FRYL: variants seen among roughly 807,000 people sequenced by gnomAD.
The protein encoded by FRYL is protein furry homolog-like.
A neutral mutation model predicts 351.2 loss-of-function variants in FRYL; 150 were observed. The ratio of observed to expected loss-of-function variants is 0.43; its 90% CI spans 0.37 to 0.49. The LOEUF (loss-of-function observed/expected upper bound fraction) is 0.49. Among genes scored for constraint, FRYL ranks in the 20% least tolerant of loss-of-function variants. The probability of loss-of-function intolerance (pLI) is 0.00; values close to 1 mark genes in which losing one functional copy is unlikely to be tolerated. For missense variants in FRYL, 3,036 were observed against 3,619.3 expected (o/e 0.84, Z 4.13); for synonymous variants, 1,153 against 1,257.1 (o/e 0.92, Z 1.75).
chr4:48,571,682 A>G, intron 26 of FRYL: 1 of 984,962 alleles, frequency 1.0e-6, no homozygotes, highest in South Asian at 4.7e-5. Flanking sequence ...CTAATCAATT[A>G]CATTTACTTT....
rs1291794591 is a variant in FRYL, at chr4:48,579,171, C to T, written c.2330G>A (p.Ser777Asn). Residue 777 changes from serine to asparagine, a missense_variant, in exon 23 of 64, where the codon AGC becomes AAC. Physicochemically the swap from Ser to Asn is conservative, Grantham distance 46. Transcript: ENST00000358350. ...TGGACTAATCACATCAAACTGGTGG[C>T]TAATAGGAGAAGAGTTCCATTCTGC... ...TLAEWNSSPISHQFDVISPSH... is the reference protein window; with the variant it reads ...TLAEWNSSPINHQFDVISPSH... The T allele has an allele frequency of 6.2e-7, 1 of 1,613,672 alleles. No homozygotes were observed. Among genetic ancestry groups the T allele is most frequent in the Middle Eastern group, 1.7e-4 (1 of 6,060 alleles).
chr4:48,580,217 T>C (rs1306843725), intron 22 of FRYL, among the ~76,000 whole-genome samples: 1 of 152,120 alleles, frequency 6.6e-6, no homozygotes, highest in Non-Finnish European at 1.5e-5. Flanking sequence ...CCATGTATTC[T>C]AAAATAGGAG....
At chr4:48,640,348 C>A (rs1755082926) in intron 3 of FRYL, among the ~76,000 whole-genome samples, 1 of 152,020 alleles carries the variant, frequency 6.6e-6, no homozygotes, top group Admixed American at 6.6e-5. Flanking sequence ...AGCTATCAAG[C>A]TATGTAAAGA....
rs1194353722 is a variant in FRYL at position 48,710,572 on chromosome 4, G to C, written c.-257C>G. 2 of 398,498 alleles carry C rather than the reference G, an allele frequency of 5.0e-6. No homozygotes were observed. Among genetic ancestry groups the C allele is most frequent in the African/African-American group, 4.1e-5 (2 of 48,626 alleles). 24.7% of individuals were successfully genotyped at this position (398,498 alleles called of 1,614,324 possible). ...GTTTGTAGAAAAGACACCAAGTTTG[G>C]AAAGGATCCATCTAGAAGCTTTTTT... On this transcript the variant is annotated 5_prime_UTR_variant, in exon 2 of 64. Coordinates refer to ENST00000358350, the MANE Select transcript of FRYL (RefSeq NM_015030.2).
At chr4:48,683,720 TA>T (rs1764894273) in intron 3 of FRYL, among the ~76,000 whole-genome samples, 1 of 152,202 alleles carries the variant, frequency 6.6e-6, no homozygotes, top group Admixed American at 6.5e-5. Context: ...CACTGACTTT[TA>T]GAAGCAGATT....
At chr4:48,574,224 A>G (rs1739028994) in intron 25 of FRYL, among the ~76,000 whole-genome samples, 1 of 152,196 alleles carries the variant, frequency 6.6e-6, no homozygotes, top group Non-Finnish European at 1.5e-5. Context: ...CAATTTAATC[A>G]TGTATCGAAA....
At chr4:48,720,820 C>T (rs181549387) in intron 1 of FRYL, among the ~76,000 whole-genome samples, 183 of 152,212 alleles carry the variant, frequency 1.2e-3, no homozygotes, top group African/African-American at 4.1e-3. Context: ...TTACTGTTTC[C>T]GTAAGAACTC....
At chr4:48,586,536 T>C in intron 19 of FRYL, 85 bp downstream of exon 19, 1 of 857,280 alleles carries the variant, frequency 1.2e-6, no homozygotes. Flanking sequence ...ATCGCCTTTT[T>C]AGTGATAACA....
At chr4:48,524,883 T>G (rs1725669736) in intron 53 of FRYL, among the ~76,000 whole-genome samples, 1 of 152,020 alleles carries the variant, frequency 6.6e-6, no homozygotes, top group Non-Finnish European at 1.5e-5. Context: ...AATTCTGGAC[T>G]GAAAAAAGCA....
At position 48,544,851 on chromosome 4, in the gene FRYL, A is replaced by G. The variant is rs1465411000; in HGVS notation, c.5333T>C (p.Ile1778Thr). 3 of 1,609,898 alleles carry G rather than the reference A, an allele frequency of 1.9e-6. No homozygotes were observed. The highest frequency in any genetic ancestry group is 2.5e-6 in the Non-Finnish European group (3 of 1,178,476). ...TGTAGTTAACTGTTCAGCACTCTTT[A>G]TGCTAGGATTCTTGGCAGAAACATC... ...HEDVSAKNPS[I>T]KSAEQLTTFL... Residue 1778 changes from isoleucine (I) to threonine (T), a missense_variant, in exon 43 of 64, where the codon ATA (isoleucine) becomes ACA (threonine). Transcript: ENST00000358350.
At chr4:48,538,580 T>C (rs1431262611) in intron 47 of FRYL, among the ~76,000 whole-genome samples, 1 of 152,164 alleles carries the variant, frequency 6.6e-6, no homozygotes, top group African/African-American at 2.4e-5. Flanking sequence ...GGGGTTTTAT[T>C]TGGCTTCCTG....
At chr4:48,751,579 G>A (rs1474189325) in intron 1 of FRYL, among the ~76,000 whole-genome samples, 1 of 152,028 alleles carries the variant, frequency 6.6e-6, no homozygotes, top group East Asian at 1.9e-4. Flanking sequence ...AGAGTAAAAT[G>A]AAAAAGAAGT....
At chr4:48,518,238 A>G (rs1470337537) in intron 55 of FRYL, among the ~76,000 whole-genome samples, 2 of 152,218 alleles carry the variant, frequency 1.3e-5, no homozygotes, top group Non-Finnish European at 2.9e-5. Context: ...AAACCTCCCA[A>G]CAACTGAAAG....
Position 48,562,876 on chromosome 4 carries a change from C to T in FRYL, c.3696+13G>A. On this transcript the variant is annotated intron_variant, in intron 32 of 63. Transcript: ENST00000358350. Reference sequence around the variant, plus strand: ...CTGAGTAAAAAAATATTTAAATTCACATGTTTACAAACCTGTAAAAGTTGC... The same window carrying T: ...CTGAGTAAAAAAATATTTAAATTCATATGTTTACAAACCTGTAAAAGTTGC... The T allele has an allele frequency of 7.0e-7, 1 of 1,430,206 alleles. No homozygotes were observed. The highest frequency in any genetic ancestry group is 9.8e-7 in the Non-Finnish European group (1 of 1,022,268). The allele number at this position is 1,430,206 out of a possible 1,614,324, so 88.6% of individuals were successfully genotyped here.
chr4:48,593,010 A>C (rs540620793), intron 16 of FRYL, among the ~76,000 whole-genome samples: 10 of 152,308 alleles, frequency 6.6e-5, no homozygotes, highest in African/African-American at 2.4e-4. Context: ...AATTTATGAA[A>C]TATTTTGAAA....
intron 2 of FRYL, among the ~76,000 whole-genome samples, chr4:48,696,845 GATCTATCT>G (rs71660456): frequency 0.12 from 17,341 of 144,488 alleles, 1,499 homozygotes; most frequent in African/African-American, 0.24. Context: ...AACGATAAGA[GATCTATCT>G]ATCTATCTAT....
At chr4:48,671,873 CAAAA>C (rs71191252) in intron 3 of FRYL, among the ~76,000 whole-genome samples, 9 of 51,856 alleles carry the variant, frequency 1.7e-4, no homozygotes, top group South Asian at 1.5e-3. Flanking sequence ...AAAAAAAAAA[CAAAA>C]AAAAAAAAAA....
chr4:48,560,959 T>C (rs1735365903), intron 33 of FRYL, among the ~76,000 whole-genome samples: 1 of 152,130 alleles, frequency 6.6e-6, no homozygotes, highest in Non-Finnish European at 1.5e-5. Context: ...GCATGGCCAG[T>C]ACTTACACTG....
chr4:48,729,594 G>A (rs758098167), intron 1 of FRYL, among the ~76,000 whole-genome samples: 6 of 152,178 alleles, frequency 3.9e-5, no homozygotes, highest in Non-Finnish European at 8.8e-5. Context: ...GTGAAACCCA[G>A]GCAAACAGGG....
Sources: allele counts gnomAD v4.1 joint callset (sites outside exome capture counted in the v4.1 genomes callset), GRCh38; gene constraint gnomAD v4.1.1; transcripts MANE v1.5; gene names NCBI Gene and HGNC (gene_info 2026-07-23, HGNC 2026-07-21).